Variants in COL17A1 observed in about 807,000 individuals in gnomAD.
The protein encoded by COL17A1 is collagen type XVII alpha 1 chain, also known as collagen alpha-1(XVII) chain.
COL17A1 carries 181 observed loss-of-function variants against 218.4 expected under a neutral mutation model. That is an observed-to-expected ratio of 0.83 (90% CI 0.73 to 0.94). COL17A1 has a LOEUF of 0.94. Among genes scored for constraint, COL17A1 ranks in the 40% least tolerant of loss-of-function variants. The pLI is 0.00. For synonymous variants in COL17A1, 721 were observed against 731.0 expected (o/e 0.99, Z 0.22); for missense variants, 1,924 against 1,945.9 (o/e 0.99, Z 0.21).
rs368630310 is a variant in COL17A1, at chr10:104,034,286, G to A, written c.3815C>T (p.Pro1272Leu). The A allele has an allele frequency of 4.5e-5, 71 of 1,584,980 alleles. No individual in the cohort carries two copies. In the East Asian group the frequency reaches 1.2e-3, roughly 27 times the overall value. Residue 1272 changes from proline to leucine, a missense_variant, in exon 52 of 56, where the codon CCG becomes CTG. Transcript: ENST00000648076. ...FIVGPPGPPG[P>L]QGPPGDSRLL... ...GCGGCTGTCCCCAGGGGGTCCCTGC[G>A]GCCCAGGAGGGCCTGGGGGGCCAAC...
At chr10:104,056,065 G>C in intron 17 of COL17A1, 62 bp from the exon 18 acceptor site, 1 of 1,582,686 alleles carries the variant, frequency 6.3e-7, no homozygotes, top group Non-Finnish European at 8.7e-7. Flanking sequence ...CCATACACTC[G>C]CTCCTAGTGG....
At chr10:104,076,167 A>G in intron 5 of COL17A1, 134 bp downstream of exon 5, 1 of 1,394,954 alleles carries the variant, frequency 7.2e-7, no homozygotes, top group East Asian at 2.3e-5. Flanking sequence ...ATGGAAGTCC[A>G]TAAAAGAAAT....
At chr10:104,058,250 A>G (rs371696877) in intron 15 of COL17A1, 60 bp from the exon 16 acceptor site, 17 of 1,605,726 alleles carry the variant, frequency 1.1e-5, no homozygotes, top group Middle Eastern at 1.7e-4. Flanking sequence ...TGCTCTGCCT[A>G]TGGAGTAGCC....
rs1331035191 is a variant in COL17A1, at chr10:104,041,112, C to A, written c.2654G>T (p.Gly885Val). The A allele has an allele frequency of 2.5e-6, 4 of 1,611,288 alleles. No homozygotes were observed. In the East Asian group the frequency reaches 8.9e-5, roughly 36 times the overall value. The change falls in exon 39 of 56, where the codon GGT (glycine) becomes GTT (valine). Residue 885 changes from glycine (G) to valine (V), a missense_variant. Coordinates refer to ENST00000648076, the MANE Select transcript of COL17A1 (RefSeq NM_000494.4). ...TGGTGGGCCTGGTGGGCCTGGCAAA[C>A]CCTCCCCTAGGAAAGAGAACCCCCA... Reference protein sequence around the residue: ...PPGPRGPPGEGLPGPPGPPGS... With the variant: ...PPGPRGPPGEVLPGPPGPPGS...
At chr10:104,040,134 T>C in intron 40 of COL17A1, 135 bp from the exon 41 acceptor site, 1 of 1,079,632 alleles carries the variant, frequency 9.3e-7, no homozygotes, top group Non-Finnish European at 1.4e-6. Context: ...GCCTCTCCTC[T>C]CACTAGGCCA....
intron 20 of COL17A1, among the ~76,000 whole-genome samples, chr10:104,054,695 A>G (rs1278907657): frequency 6.6e-6 from 1 of 152,122 alleles, no homozygotes; most frequent in Non-Finnish European, 1.5e-5. Context: ...ACTCCTGCCC[A>G]CATGCATACC....
intron 48 of COL17A1, 136 bp downstream of exon 48, chr10:104,036,356 G>C: frequency 1.6e-6 from 2 of 1,289,362 alleles, no homozygotes; most frequent in Non-Finnish European, 1.1e-6. Flanking sequence ...GAACGGCTCT[G>C]AGCACTGCTC....
At chr10:104,061,662 T>A (rs2086584088) in intron 12 of COL17A1, among the ~76,000 whole-genome samples, 189 bp from the exon 13 acceptor site, 1 of 152,134 alleles carries the variant, frequency 6.6e-6, no homozygotes, top group Admixed American at 6.5e-5. Flanking sequence ...ATCCTCCTCA[T>A]CCTTCTAGCT....
At chr10:104,067,334 T>TAAAAA (rs58260510) in intron 9 of COL17A1, among the ~76,000 whole-genome samples, 22 of 110,400 alleles carry the variant, frequency 2.0e-4, no homozygotes, top group Non-Finnish European at 2.4e-4. Context: ...GGCTCAGGAA[T>TAAAAA]AAAAAAAAAA....
At position 104,033,244 on chromosome 10, in the gene COL17A1, A is replaced by T. The variant is rs776253352; in HGVS notation, c.4288T>A (p.Phe1430Ile). 82 of 1,585,420 alleles carry T rather than the reference A, an allele frequency of 5.2e-5. No individual in the cohort carries two copies. Among genetic ancestry groups the T allele is most frequent in the Middle Eastern group, 1.7e-4 (1 of 6,024 alleles). Residue 1430 changes from phenylalanine (F) to isoleucine (I), a missense_variant, in exon 53 of 56, where the codon TTC becomes ATC. Physicochemically the swap from Phe to Ile is conservative, Grantham distance 21. Coordinates refer to ENST00000648076, the MANE Select transcript of COL17A1 (RefSeq NM_000494.4). ...SNVTADLMDF[F>I]QTYGAIQGPP... Reference sequence around the variant, plus strand: ...AGCAGTTGGATGCCCTTACTTTGGAAGAAGTCCATGAGGTCCGCAGTCACG... The same window carrying T: ...AGCAGTTGGATGCCCTTACTTTGGATGAAGTCCATGAGGTCCGCAGTCACG...
chr10:104,063,678 T>C, intron 11 of COL17A1, 69 bp downstream of exon 11: 1 of 1,605,890 alleles, frequency 6.2e-7, no homozygotes, highest in South Asian at 1.1e-5. Context: ...CTTCATGCTC[T>C]TGGGTGAAGC....
At chr10:104,062,744 T>C (rs1187628940) in intron 11 of COL17A1, among the ~76,000 whole-genome samples, 1 of 152,192 alleles carries the variant, frequency 6.6e-6, no homozygotes, top group East Asian at 1.9e-4. Context: ...AGGCACTAAC[T>C]TGGCAGACTC....
chr10:104,080,745 T>C (rs773729098), intron 1 of COL17A1, 61 bp from the exon 2 acceptor site: 26 of 1,547,116 alleles, frequency 1.7e-5, no homozygotes, highest in Non-Finnish European at 2.2e-5. Flanking sequence ...TAATTATAGG[T>C]CCCCACTGTT....
chr10:104,052,133 C>T, intron 24 of COL17A1, 22 bp downstream of exon 24: 1 of 1,614,090 alleles, frequency 6.2e-7, no homozygotes, highest in Non-Finnish European at 8.5e-7. Context: ...AACTTTGATT[C>T]CTTCCTGCAC....
chr10:104,048,196 T>A (rs1479809257), intron 29 of COL17A1, 92 bp from the exon 30 acceptor site: 1 of 1,416,850 alleles, frequency 7.1e-7, no homozygotes, highest in Admixed American at 1.7e-5. Context: ...AAGCACATTG[T>A]GTCCCAGGAG....
At position 104,032,324 on chromosome 10, in the gene COL17A1, A is replaced by G. The variant is rs751170106; in HGVS notation, c.4439-34T>C. ...TAGAAGATCAGTAGGAAGTTAAAAC[A>G]TATCTTGTGGCCTGTGGGGATCTTG... On this transcript the variant is annotated intron_variant, in intron 55 of 55. Transcript: ENST00000648076. The G allele has an allele frequency of 5.7e-6, 9 of 1,590,182 alleles. No homozygotes were observed. The East Asian group carries it at 1.6e-4, about 28-fold the overall frequency.
At chr10:104,068,251 T>C (rs2134641792) in intron 9 of COL17A1, among the ~76,000 whole-genome samples, 1 of 151,288 alleles carries the variant, frequency 6.6e-6, no homozygotes, top group South Asian at 2.1e-4. Flanking sequence ...GCCAGCTTCT[T>C]ATGAAAAGGA....
intron 30 of COL17A1, 55 bp downstream of exon 30, chr10:104,048,013 GC>G: frequency 6.2e-7 from 1 of 1,604,696 alleles, no homozygotes; most frequent in Non-Finnish European, 8.5e-7. Flanking sequence ...AGGGCTGCAT[GC>G]TGGAACAGGG....
chr10:104,070,072 A>G (rs944161291), intron 9 of COL17A1, among the ~76,000 whole-genome samples: 10 of 152,032 alleles, frequency 6.6e-5, no homozygotes, highest in African/African-American at 2.4e-4. Context: ...ACAAAAGAAG[A>G]CCTGAGTATT....
Sources: gnomAD v4.1 joint callset for allele counts (sites outside exome capture counted in the v4.1 genomes callset) on GRCh38, gnomAD v4.1.1 for gene constraint, MANE v1.5 for transcripts, NCBI Gene and HGNC (gene_info 2026-07-23, HGNC 2026-07-21) for gene names.